The following NUTM2E variants were observed in gnomAD, a reference collection of about 807,000 sequenced individuals.
The protein encoded by NUTM2E is family with sequence similarity 22, member E.
Under a neutral mutation model 26.1 loss-of-function variants are expected in NUTM2E, and 3 were observed. The ratio of observed to expected loss-of-function variants is 0.12; its 90% CI spans 0.05 to 0.30. NUTM2E has a LOEUF of 0.30. Ranked by LOEUF, NUTM2E falls within the 10% of genes least tolerant of loss-of-function variation. The pLI is 1.00. For synonymous variants in NUTM2E, 13 were observed against 157.5 expected, an observed-to-expected ratio of 0.08 and a Z score of 6.87; for missense variants, 62 against 381.3, an observed-to-expected ratio of 0.16 and a Z score of 6.97.
Position 79,848,621 on chromosome 10 carries a change from G to A in NUTM2E, c.1460G>A (p.Arg487Gln), listed in dbSNP as rs1473570376. 3.5e-5 allele frequency: 22 copies of A among 631,416 alleles called. 4 individuals carry two copies. The highest frequency in any genetic ancestry group is 1.7e-4 in the African/African-American group (5 of 28,902). 39.1% of individuals were successfully genotyped at this position (631,416 alleles called of 1,614,324 possible). ...KARRPPPQPH[R>Q]RAETKARLPP... is the part of the protein sequence containing the mutation. ...CGCCGGCCACCACCCCAGCCCCACCGGCGAGCAGAGACCAAGGCCCGCCTG... is the reference window on the plus strand; with the variant it reads ...CGCCGGCCACCACCCCAGCCCCACCAGCGAGCAGAGACCAAGGCCCGCCTG... Residue 487 changes from arginine to glutamine, a missense_variant, in exon 8 of 10, where the codon CGG becomes CAG. Physicochemically the swap from Arg to Gln is conservative, Grantham distance 43. Coordinates refer to ENST00000429984, the MANE Select transcript of NUTM2E (RefSeq NM_001355263.2).
Position 79,828,251 on chromosome 10 carries a change from A to G in NUTM2E, c.-2728+894A>G, listed in dbSNP as rs180822288. ...CATTTTCAGATGACTATGTGTGTGA[A>G]TATTTAAGAATTCTAAAACCGCATG... On this transcript the variant is annotated intron_variant, in intron 1 of 9. Coordinates refer to ENST00000429984, the MANE Select transcript of NUTM2E (RefSeq NM_001355263.2). Among the ~76,000 whole-genome samples the G allele has an allele frequency of 1.1e-4, 16 of 151,996 alleles. No individual in the cohort carries two copies. In the East Asian group the frequency reaches 2.3e-3, roughly 22 times the overall value.
rs1012960562 is a variant in NUTM2E at position 79,826,973 on chromosome 10, C to A, written c.-3112C>A. The A allele has an allele frequency of 7.1e-6, 1 of 140,836 alleles. No homozygotes were observed. Among genetic ancestry groups the A allele is most frequent in the African/African-American group, 2.6e-5 (1 of 38,292 alleles). The allele number at this position is 140,836 out of a possible 1,614,324, so 8.7% of individuals were successfully genotyped here. On this transcript the variant is annotated 5_prime_UTR_variant, in exon 1 of 10. Coordinates refer to ENST00000429984, the MANE Select transcript of NUTM2E (RefSeq NM_001355263.2). ...GCGTTAGCCACCCAGCATTGAGCTG[C>A]CAGCGGCTGTTCTCCCTAAGCACCC...
In NUTM2E at chr10:79,849,801, T is replaced by A. The variant is rs1431520197; in HGVS notation, c.1852-20T>A. 1.4e-6 allele frequency: 1 copy of A among 738,932 alleles called. No individual in the cohort carries two copies. The highest frequency in any genetic ancestry group is 3.0e-5 in the East Asian group (1 of 33,798). The allele number at this position is 738,932 out of a possible 1,614,324, so 45.8% of individuals were successfully genotyped here. A position where few individuals can be genotyped will look rare whatever the true frequency, so the allele number is the denominator to read the frequency against. On this transcript the variant is annotated intron_variant, in intron 9 of 9. Coordinates refer to ENST00000429984, the MANE Select transcript of NUTM2E (RefSeq NM_001355263.2). The stretch of plus-strand genomic sequence containing the variant: ...TCACACCTGGGGCAGTGCCAGTAAG[T>A]GCCCCCTTTCCTCCCGCAGCTAGTG...
chr10:79,829,810 C>G (rs1344188663), intron 1 of NUTM2E, among the ~76,000 whole-genome samples: 1 of 151,498 alleles, frequency 6.6e-6, no homozygotes, highest in Non-Finnish European at 1.5e-5. Flanking sequence ...TGTTGTGAAG[C>G]ACCAATGGCC....
chr10:79,832,260 G>T (rs185066064), intron 1 of NUTM2E, among the ~76,000 whole-genome samples: 1 of 151,802 alleles, frequency 6.6e-6, no homozygotes, highest in Admixed American at 6.6e-5. Context: ...GGAAGCAGTG[G>T]GATTACCTTG....
At position 79,827,795 on chromosome 10, in the gene NUTM2E, G is replaced by T. The variant is rs138359599; in HGVS notation, c.-2728+438G>T. On this transcript the variant is annotated intron_variant, in intron 1 of 9. Coordinates refer to ENST00000429984, the MANE Select transcript of NUTM2E (RefSeq NM_001355263.2). ...TGAATTATTTAGTGGTTTTTTTTTTGTTTTTTTTTTTTTGTTTTTTTTTGT... is the reference window on the plus strand; with the variant it reads ...TGAATTATTTAGTGGTTTTTTTTTTTTTTTTTTTTTTTTGTTTTTTTTTGT... Among the ~76,000 whole-genome samples, 704 of 127,692 alleles carry T rather than the reference G, an allele frequency of 5.5e-3. 6 individuals are homozygous for T. Among genetic ancestry groups the T allele is most frequent in the African/African-American group, 0.017 (578 of 33,854 alleles). 83.8% of individuals were successfully genotyped at this position (127,692 alleles called of 152,430 possible). A position where few individuals can be genotyped will look rare whatever the true frequency, so the allele number is the denominator to read the frequency against.
In NUTM2E at chr10:79,826,780, T is replaced by G. The variant is rs1841883002; in HGVS notation, c.-3305T>G. On this transcript the variant is annotated 5_prime_UTR_variant, in exon 1 of 10. Coordinates refer to ENST00000429984, the MANE Select transcript of NUTM2E (RefSeq NM_001355263.2). Reference sequence around the variant, plus strand: ...CTCGCTGGGAGCAGAGCTAGCCGAGTAGGGCGCCCGGCTGTCAAACTGGCC... The same window carrying G: ...CTCGCTGGGAGCAGAGCTAGCCGAGGAGGGCGCCCGGCTGTCAAACTGGCC... 6.6e-6 allele frequency: 1 copy of G among 152,548 alleles called. No individual in the cohort carries two copies. The highest frequency in any genetic ancestry group is 1.5e-5 in the Non-Finnish European group (1 of 68,776). 9.4% of individuals were successfully genotyped at this position (152,548 alleles called of 1,614,324 possible). A position where few individuals can be genotyped will look rare whatever the true frequency, so the allele number is the denominator to read the frequency against.
rs555671728 is a variant in NUTM2E, at chr10:79,836,876, A to G, written c.-2727-1433A>G. On this transcript the variant is annotated intron_variant, in intron 1 of 9. Coordinates refer to ENST00000429984, the MANE Select transcript of NUTM2E (RefSeq NM_001355263.2). ...AGTTCATGCCCAGAAAAACAAAAAC[A>G]AAAACAAAAACTATGGGAACTTTAT... 9.6e-3 allele frequency among the ~76,000 whole-genome samples: 1,464 copies of G among 152,138 alleles called. 13 individuals are homozygous for G. Among genetic ancestry groups the G allele is most frequent in the Middle Eastern group, 0.014 (4 of 292 alleles).
At position 79,831,768 on chromosome 10, in the gene NUTM2E, C is replaced by T. The variant is rs548958787; in HGVS notation, c.-2728+4411C>T. 1.4e-3 allele frequency among the ~76,000 whole-genome samples: 216 copies of T among 150,936 alleles called. 1 individual carries two copies. Among genetic ancestry groups the T allele is most frequent in the African/African-American group, 5.2e-3 (213 of 41,210 alleles). On this transcript the variant is annotated intron_variant, in intron 1 of 9. Coordinates refer to ENST00000429984, the MANE Select transcript of NUTM2E (RefSeq NM_001355263.2). ...TTTACAAAAGAATAAGTAAATTTTCCAAAATTAATTACTGATAATGTGTAC... is the reference window on the plus strand; with the variant it reads ...TTTACAAAAGAATAAGTAAATTTTCTAAAATTAATTACTGATAATGTGTAC...
At chr10:79,837,634 A>C (rs2132417219) in intron 1 of NUTM2E, among the ~76,000 whole-genome samples, 1 of 152,036 alleles carries the variant, frequency 6.6e-6, no homozygotes, top group East Asian at 1.9e-4. Context: ...AACAACAAAC[A>C]CTTTGATTGT....
chr10:79,831,565 C>T (rs1841927063), intron 1 of NUTM2E, among the ~76,000 whole-genome samples: 1 of 151,660 alleles, frequency 6.6e-6, no homozygotes, highest in Non-Finnish European at 1.5e-5. Context: ...TTAAAAAGAC[C>T]TCATCAGACC....
chr10:79,836,744 G>T (rs10749148), intron 1 of NUTM2E, among the ~76,000 whole-genome samples: 71,100 of 151,322 alleles, frequency 0.47, 18,649 homozygotes, highest in Non-Finnish European at 0.6. Context: ...TTGAGTACTT[G>T]AAACTGCCTG....
At chr10:79,831,135 C>G (rs1316763847) in intron 1 of NUTM2E, among the ~76,000 whole-genome samples, 3 of 151,636 alleles carry the variant, frequency 2.0e-5, no homozygotes, top group Non-Finnish European at 4.4e-5. Context: ...CTCTAGAAAA[C>G]AATGCTAAAC....
At chr10:79,830,977 G>A (rs3012966) in intron 1 of NUTM2E, among the ~76,000 whole-genome samples, 1 of 151,598 alleles carries the variant, frequency 6.6e-6, no homozygotes, top group South Asian at 2.1e-4. Context: ...TATATACCAC[G>A]TAGGCATCTC....
chr10:79,830,481 A>C (rs1841920742), intron 1 of NUTM2E, among the ~76,000 whole-genome samples: 1 of 151,810 alleles, frequency 6.6e-6, no homozygotes, highest in South Asian at 2.1e-4. Context: ...TTCAAAGATG[A>C]AAATTTTACA....
At chr10:79,836,443 T>C (rs1841964038) in intron 1 of NUTM2E, among the ~76,000 whole-genome samples, 1 of 151,796 alleles carries the variant, frequency 6.6e-6, no homozygotes, top group Admixed American at 6.6e-5. Context: ...AAATTTACTT[T>C]ATCTCTTGTA....
At chr10:79,835,041 C>T (rs1177655442) in intron 1 of NUTM2E, among the ~76,000 whole-genome samples, 2 of 150,708 alleles carry the variant, frequency 1.3e-5, no homozygotes, top group Non-Finnish European at 3.0e-5. Flanking sequence ...TGCCTTGTTG[C>T]TGTGATTTGT....
intron 1 of NUTM2E, 87 bp downstream of exon 1, chr10:79,827,444 A>C (rs1158506511): frequency 6.6e-6 from 1 of 151,552 alleles, no homozygotes; most frequent in Non-Finnish European, 1.5e-5. Context: ...GATTACACTA[A>C]AAGTCATTTC....
chr10:79,834,265 G>C (rs1332645117), intron 1 of NUTM2E, among the ~76,000 whole-genome samples: 1 of 151,638 alleles, frequency 6.6e-6, no homozygotes, highest in African/African-American at 2.4e-5. Flanking sequence ...GCAGATGACA[G>C]GTTGATGGGC....
Sources: allele counts gnomAD v4.1 joint callset (sites outside exome capture counted in the v4.1 genomes callset), GRCh38; gene constraint gnomAD v4.1.1; transcripts MANE v1.5; gene names NCBI Gene and HGNC (gene_info 2026-07-23, HGNC 2026-07-21).